Variants in KCNH2 observed in about 807,000 individuals in gnomAD.
KCNH2 encodes the protein potassium voltage-gated channel subfamily H member 2.
A neutral mutation model predicts 95.9 loss-of-function variants in KCNH2; 35 were observed. The ratio of observed to expected loss-of-function variants is 0.37; its 90% CI spans 0.28 to 0.48. The LOEUF (loss-of-function observed/expected upper bound fraction) is 0.48, where lower values mean the gene tolerates loss of function less well. Among genes scored for constraint, KCNH2 ranks in the 20% least tolerant of loss-of-function variants. The probability of loss-of-function intolerance (pLI) is 0.99; values close to 1 mark genes in which losing one functional copy is unlikely to be tolerated. For missense variants in KCNH2, 1,274 were observed against 1,702.9 expected, an observed-to-expected ratio of 0.75 and a Z score of 4.43; for synonymous variants, 786 against 754.7, an observed-to-expected ratio of 1.04 and a Z score of -0.68.
intron 13 of KCNH2, 38 bp from the exon 14 acceptor site, chr7:150,947,092 A>G (rs2116926851): frequency 8.3e-7 from 1 of 1,210,084 alleles, no homozygotes; most frequent in Non-Finnish European, 1.1e-6. Flanking sequence ...AGAAGTGGGG[A>G]CACCAGTGAC....
At chr7:150,970,644 CAAGA>C (rs1181022388) in intron 2 of KCNH2, among the ~76,000 whole-genome samples, 20 of 152,308 alleles carry the variant, frequency 1.3e-4, no homozygotes, top group African/African-American at 4.3e-4. Context: ...TGCTGCAGGG[CAAGA>C]GGCAACTGGC....
chr7:150,964,016 T>A (rs1389845245), intron 2 of KCNH2, among the ~76,000 whole-genome samples: 1 of 152,166 alleles, frequency 6.6e-6, no homozygotes, highest in African/African-American at 2.4e-5. Context: ...CTGCCCAGCA[T>A]CCCAACCCAT....
At position 150,946,866 on chromosome 7, in the gene KCNH2, CTGGA is replaced by C; in HGVS notation, c.3330+7_3330+10del. On this transcript the variant is annotated splice_region_variant and intron_variant, in intron 14 of 14. Transcript: ENST00000262186. This position sits in a 1 kb window ranked among gnomAD's most constrained non-coding sequence, Gnocchi z 6.5. The stretch of plus-strand genomic sequence containing the variant: ...GTCACGGTACATCGAGGAAGCAGGG[CTGGA>C]GCTTACCTGAGAAAGCGAGTCCAAG... 1.3e-6 allele frequency: 2 copies of C among 1,596,270 alleles called. No individual in the cohort carries two copies. Among genetic ancestry groups the C allele is most frequent in the Middle Eastern group, 1.7e-4 (1 of 5,990 alleles).
Position 150,946,921 on chromosome 7 carries a change from G to A in KCNH2, c.3286C>T (p.Pro1096Ser), listed in dbSNP as rs1554423737. The change falls in exon 14 of 15, where the codon CCC becomes TCC. Residue 1096 changes from proline (P) to serine (S), a missense_variant. Around this residue, in one of 7 missense-constraint regions of KCNH2, gnomAD observed 457 missense variants for 416.1 expected, o/e 1.10. Coordinates refer to ENST00000262186, the MANE Select transcript of KCNH2 (RefSeq NM_000238.4). This position sits in a 1 kb window ranked among gnomAD's most constrained non-coding sequence, Gnocchi z 6.5. ...PGPTSTSPLL[P>S]VSPLPTLTLD... ...GTGAGGGTGGGGAGGGGGCTGACGG[G>A]CAACAGCGGGGATGTGGAAGTGGGG... 6.3e-7 allele frequency: 1 copy of A among 1,597,112 alleles called. No homozygotes were observed. Among genetic ancestry groups the A allele is most frequent in the Non-Finnish European group, 8.6e-7 (1 of 1,169,512 alleles).
At chr7:150,972,210 C>T (rs888506711) in intron 2 of KCNH2, among the ~76,000 whole-genome samples, 1 of 152,272 alleles carries the variant, frequency 6.6e-6, no homozygotes, top group African/African-American at 2.4e-5. Flanking sequence ...GGCACCAACA[C>T]AGCACAGCTG....
Position 150,959,574 on chromosome 7 carries a change from G to A in KCNH2, c.470C>T (p.Pro157Leu). The A allele has an allele frequency of 4.3e-6, 7 of 1,614,030 alleles. No individual in the cohort carries two copies. The highest frequency in any genetic ancestry group is 5.9e-6 in the Non-Finnish European group (7 of 1,179,924). ...HRGPPTSWLA[P>L]GRAKTFRLKL... ...TGCCCTAAAGCAAGTACACTTACCT[G>A]GGGCCAGCCAGCTGGTGGGGGGGCC... Residue 157 changes from proline (P) to leucine (L), a missense_variant and splice_region_variant, in exon 3 of 15, where the codon CCA (proline) becomes CTA (leucine). Physicochemically the swap from Pro to Leu is moderately conservative, Grantham distance 98. This residue lies in a region of KCNH2 where 392 missense variants were observed against 429.9 expected (regional missense o/e 0.91). Coordinates refer to ENST00000262186, the MANE Select transcript of KCNH2 (RefSeq NM_000238.4).
At position 150,951,740 on chromosome 7, in the gene KCNH2, G is replaced by C. The variant is rs1335240034; in HGVS notation, c.1653C>G (p.Phe551Leu). The C allele has an allele frequency of 6.2e-7, 1 of 1,611,870 alleles. No homozygotes were observed. Among genetic ancestry groups the C allele is most frequent in the Non-Finnish European group, 8.5e-7 (1 of 1,178,180 alleles). The change falls in exon 7 of 15, where the codon TTC (phenylalanine) becomes TTG (leucine). Residue 551 changes from phenylalanine to leucine, a missense_variant. Transcript: ENST00000262186. The stretch of plus-strand genomic sequence containing the variant: ...TGAGCGCAAAGGTGCACATGAGCAA[G>C]AACAGCACGGCCGCGCCGTACTCTG... ...RYSEYGAAVL[F>L]LLMCTFALIA...
rs199472863 is a variant in KCNH2, at chr7:150,959,656, C to T, written c.388G>A (p.Glu130Lys). The T allele has an allele frequency of 3.7e-6, 6 of 1,614,196 alleles. No homozygotes were observed. Among genetic ancestry groups the T allele is most frequent in the African/African-American group, 1.3e-5 (1 of 75,036 alleles). Reference protein sequence around the residue: ...GAVIMFILNFEVVMEKDMVGS... With the variant: ...GAVIMFILNFKVVMEKDMVGS... ...ACCATGTCCTTCTCCATCACCACCT[C>T]GAAATTGAGGATGAACATGATGACA... Residue 130 changes from glutamate to lysine, a missense_variant, in exon 3 of 15, where the codon GAG becomes AAG. This residue lies in a region of KCNH2 where 85 missense variants were observed against 174.7 expected (regional missense o/e 0.49). Coordinates refer to ENST00000262186, the MANE Select transcript of KCNH2 (RefSeq NM_000238.4).
At chr7:150,973,565 G>A (rs887883324) in intron 2 of KCNH2, among the ~76,000 whole-genome samples, 1 of 152,218 alleles carries the variant, frequency 6.6e-6, no homozygotes, top group Non-Finnish European at 1.5e-5. Flanking sequence ...GATTTGCTGT[G>A]AGCGAACCTT....
At chr7:150,950,008 G>GC in intron 9 of KCNH2, 160 bp downstream of exon 9, 1 of 1,566,418 alleles carries the variant, frequency 6.4e-7, no homozygotes. Flanking sequence ...CCTCTCCATG[G>GC]CCCCGCTTGG....
At position 150,946,239 on chromosome 7, in the gene KCNH2, A is replaced by AT. The variant is rs1328865696; in HGVS notation, c.3330+637dup. ...CCGCCATCCTGCAGAGGCCAGGAAC[A>AT]TGCAGGTCCACCCAGGAGAGGACAA... is the stretch of plus-strand genomic sequence containing the variant. On this transcript the variant is annotated intron_variant, in intron 14 of 14. Coordinates refer to ENST00000262186, the MANE Select transcript of KCNH2 (RefSeq NM_000238.4). The surrounding 1 kb of genome is among the most constrained non-coding windows in gnomAD (Gnocchi z 6.5). Among the ~76,000 whole-genome samples, 1 of 152,130 alleles carries AT rather than the reference A, an allele frequency of 6.6e-6. No homozygotes were observed. The highest frequency in any genetic ancestry group is 1.5e-5 in the Non-Finnish European group (1 of 68,008).
Position 150,955,011 on chromosome 7 carries a change from G to A in KCNH2, c.1129-2158C>T, listed in dbSNP as rs572968279. On this transcript the variant is annotated intron_variant, in intron 5 of 14. Coordinates refer to ENST00000262186, the MANE Select transcript of KCNH2 (RefSeq NM_000238.4). ...GCACACAGAGCAAAGGAGCCCCGGC[G>A]CCTCCATGCCAGGCCCAGCTGTCGC... 4.2e-3 allele frequency among the ~76,000 whole-genome samples: 647 copies of A among 152,306 alleles called. 4 individuals carry two copies. The highest frequency in any genetic ancestry group is 0.015 in the African/African-American group (613 of 41,562).
intron 2 of KCNH2, among the ~76,000 whole-genome samples, chr7:150,973,583 A>T (rs963902140): frequency 6.6e-6 from 1 of 152,206 alleles, no homozygotes; most frequent in African/African-American, 2.4e-5. Context: ...CTTCTTCCAC[A>T]GGGTGCAGGG....
Position 150,951,062 on chromosome 7 carries a change from C to A in KCNH2, c.2004G>T (p.Ser668=). ...TCTGTGTGTGGTAGCGGGCTGTGCC[C>A]GAGTACAGCCGCTGGATGATGGCCG... is the stretch of plus-strand genomic sequence containing the variant. ...NVSAIIQRLY[S]GTARYHTQML... The change falls in exon 8 of 15, where the codon TCG becomes TCT. Residue 668 remains serine, a synonymous_variant. Transcript: ENST00000262186. 1.2e-6 allele frequency: 2 copies of A among 1,613,872 alleles called. No individual in the cohort carries two copies. The highest frequency in any genetic ancestry group is 1.7e-6 in the Non-Finnish European group (2 of 1,179,892).
intron 1 of KCNH2, among the ~76,000 whole-genome samples, chr7:150,976,312 G>T (rs376039238): frequency 6.6e-6 from 1 of 152,108 alleles, no homozygotes; most frequent in African/African-American, 2.4e-5. Context: ...CCCTTCCCCT[G>T]GCCCCCAGAA....
intron 3 of KCNH2, 82 bp from the exon 4 acceptor site, chr7:150,958,584 C>T (rs1320822152): frequency 1.6e-6 from 2 of 1,235,494 alleles, no homozygotes; most frequent in African/African-American, 1.6e-5. Flanking sequence ...GACCCCCAGC[C>T]GCTGGGTAAG....
chr7:150,947,884 G>A lies in KCNH2; in HGVS notation c.2693-6C>T, dbSNP rs1469748213. 12 of 1,530,428 alleles carry A rather than the reference G, an allele frequency of 7.8e-6. No homozygotes were observed. The highest frequency in any genetic ancestry group is 8.7e-6 in the Non-Finnish European group (10 of 1,144,696). The allele number at this position is 1,530,428 out of a possible 1,614,324, so 94.8% of individuals were successfully genotyped here. A position where few individuals can be genotyped will look rare whatever the true frequency, so the allele number is the denominator to read the frequency against. On this transcript the variant is annotated splice_region_variant and splice_polypyrimidine_tract_variant and intron_variant, in intron 11 of 14. Coordinates refer to ENST00000262186, the MANE Select transcript of KCNH2 (RefSeq NM_000238.4). ...CTCCCCTGGCTGCTCCGTGTCTGTG[G>A]GAAACAGAGAATGGGCCTCAGAGAG...
chr7:150,963,104 A>T (rs970260618), intron 2 of KCNH2, among the ~76,000 whole-genome samples: 3 of 152,062 alleles, frequency 2.0e-5, no homozygotes, highest in Non-Finnish European at 4.4e-5. Flanking sequence ...CAGGGCAGAG[A>T]CGAAGGACCC....
In KCNH2 at chr7:150,959,690, C is replaced by T; in HGVS notation, c.354G>A (p.Glu118=). ...GGATGAACATGATGACAGCCCCATC[C>T]TCGTTCTTCACGGGCACCACATCCA... ...CLVDVVPVKN[E]DGAVIMFILN... Residue 118 remains glutamate, a synonymous_variant, in exon 3 of 15, where the codon GAG becomes GAA. Transcript: ENST00000262186. 1 of 1,614,204 alleles carries T rather than the reference C, an allele frequency of 6.2e-7. No individual in the cohort carries two copies. The highest frequency in any genetic ancestry group is 8.5e-7 in the Non-Finnish European group (1 of 1,180,032).
Sources: gnomAD v4.1 joint callset for allele counts (sites outside exome capture counted in the v4.1 genomes callset) on GRCh38, gnomAD v4.1.1 for gene constraint, gnomAD v4.1.1 regional missense constraint, Gnocchi (gnomAD v3.1) non-coding constraint, MANE v1.5 for transcripts, NCBI Gene and HGNC (gene_info 2026-07-23, HGNC 2026-07-21) for gene names.